The following MPHOSPH6 variants were observed in gnomAD, a reference collection of about 807,000 sequenced individuals.
MPHOSPH6 encodes M-phase phosphoprotein 6.
A neutral mutation model predicts 21.8 loss-of-function variants in MPHOSPH6; 25 were observed. The ratio of observed to expected loss-of-function variants is 1.15; its 90% CI spans 0.83 to 1.60. MPHOSPH6 has a LOEUF of 1.60. MPHOSPH6 is among the 40% of genes most tolerant of loss of function. The pLI, the probability that MPHOSPH6 is intolerant of heterozygous loss-of-function variation, is 0.00. For synonymous variants in MPHOSPH6, 84 were observed against 56.5 expected (o/e 1.49, Z -2.18); for missense variants, 269 against 181.8 (o/e 1.48, Z -2.76).
intron 2 of MPHOSPH6, among the ~76,000 whole-genome samples, chr16:82,155,452 G>C (rs1340137857): frequency 6.6e-6 from 1 of 152,164 alleles, no homozygotes; most frequent in Non-Finnish European, 1.5e-5. Context: ...AGTCAATTTA[G>C]CATTACAGAA....
chr16:82,155,486 A>G (rs1906399782), intron 2 of MPHOSPH6, among the ~76,000 whole-genome samples: 1 of 152,198 alleles, frequency 6.6e-6, no homozygotes. Flanking sequence ...TACAACCTTC[A>G]ATTTCTACAC....
chr16:82,154,427 T>A (rs994312755), intron 2 of MPHOSPH6, among the ~76,000 whole-genome samples: 4 of 151,818 alleles, frequency 2.6e-5, no homozygotes, highest in Admixed American at 2.0e-4. Context: ...CAGCACACAA[T>A]AAAAAATTCC....
rs547062601 is a variant in MPHOSPH6, at chr16:82,160,698, G to A, written c.164+3384C>T. ...ACAGCATCCACCTGGGCCACTTCACGCCATCCCTCATAGGAGTTGGGGACA... is the reference window on the plus strand; with the variant it reads ...ACAGCATCCACCTGGGCCACTTCACACCATCCCTCATAGGAGTTGGGGACA... On this transcript the variant is annotated intron_variant, in intron 2 of 4. Coordinates refer to ENST00000258169, the MANE Select transcript of MPHOSPH6 (RefSeq NM_005792.2). 7.9e-5 allele frequency among the ~76,000 whole-genome samples: 12 copies of A among 152,220 alleles called. No individual in the cohort carries two copies. The South Asian group carries it at 8.3e-4, about 11-fold the overall frequency.
intron 4 of MPHOSPH6, 116 bp from the exon 5 acceptor site, chr16:82,148,979 C>T (rs1384177375): frequency 7.7e-7 from 1 of 1,291,010 alleles, no homozygotes; most frequent in Non-Finnish European, 1.1e-6. Flanking sequence ...AGAAAACTAT[C>T]ATTAAAAGAA....
intron 2 of MPHOSPH6, among the ~76,000 whole-genome samples, chr16:82,161,431 A>C (rs1218755586): frequency 1.3e-5 from 2 of 152,200 alleles, no homozygotes; most frequent in East Asian, 1.9e-4. Flanking sequence ...AATACTTCTT[A>C]AACAACTTGC....
chr16:82,163,929 T>C (rs962626116), intron 2 of MPHOSPH6, 153 bp downstream of exon 2: 4 of 574,654 alleles, frequency 7.0e-6, no homozygotes, highest in East Asian at 5.9e-5. Flanking sequence ...ACAACTTCTA[T>C]AGGTTTAATA....
chr16:82,158,278 G>A (rs891935619), intron 2 of MPHOSPH6, among the ~76,000 whole-genome samples: 1 of 151,550 alleles, frequency 6.6e-6, no homozygotes. Context: ...CACGAGGTCA[G>A]GAAATTGAGA....
At chr16:82,167,329 G>A (rs1360479141) in intron 1 of MPHOSPH6, among the ~76,000 whole-genome samples, 3 of 152,136 alleles carry the variant, frequency 2.0e-5, no homozygotes, top group Admixed American at 2.0e-4. Context: ...AGTGAGTCAG[G>A]ATTAAATCCT....
Position 82,164,174 on chromosome 16 carries a change from G to C in MPHOSPH6, c.72C>G (p.Asp24Glu). ...LRMKFMQRGLDSETKKQLEEE... is the reference protein window; with the variant it reads ...LRMKFMQRGLESETKKQLEEE... ...CTTCTAGTTGTTTCTTGGTTTCTGA[G>C]TCCAGTCCCCTTTGCATAAACTGTG... The change falls in exon 2 of 5, where the codon GAC becomes GAG. Residue 24 changes from aspartate (D) to glutamate (E), a missense_variant. Physicochemically the swap from Asp to Glu is conservative, Grantham distance 45. Coordinates refer to ENST00000258169, the MANE Select transcript of MPHOSPH6 (RefSeq NM_005792.2). 1.9e-6 allele frequency: 3 copies of C among 1,610,356 alleles called. No individual in the cohort carries two copies. Among genetic ancestry groups the C allele is most frequent in the Non-Finnish European group, 2.5e-6 (3 of 1,179,498 alleles).
intron 2 of MPHOSPH6, among the ~76,000 whole-genome samples, chr16:82,160,408 C>T (rs1443406641): frequency 3.3e-5 from 5 of 152,226 alleles, no homozygotes; most frequent in Admixed American, 6.5e-5. Context: ...GAAAACCCTT[C>T]TCAGTGGGTC....
In MPHOSPH6 at chr16:82,170,108, T is replaced by A. The variant is rs766546790; in HGVS notation, c.51+17A>T. ...GTGCCCCTACCGCCCGGAGTGGCGC[T>A]CTCAGCGTCCCCGCACCTTCATGCG... On this transcript the variant is annotated intron_variant, in intron 1 of 4. Transcript: ENST00000258169. 6.9e-6 allele frequency: 11 copies of A among 1,588,750 alleles called. No homozygotes were observed. The highest frequency in any genetic ancestry group is 8.6e-6 in the Non-Finnish European group (10 of 1,167,882).
Position 82,164,179 on chromosome 16 carries a change from G to C in MPHOSPH6, c.67C>G (p.Leu23Val), listed in dbSNP as rs753211610. Residue 23 changes from leucine (L) to valine (V), a missense_variant, in exon 2 of 5, where the codon CTG (leucine) becomes GTG (valine). By Grantham distance (32) the Leu-to-Val change is conservative (BLOSUM62 1). Transcript: ENST00000258169. Reference protein sequence around the residue: ...LLRMKFMQRGLDSETKKQLEE... With the variant: ...LLRMKFMQRGVDSETKKQLEE... ...AGTTGTTTCTTGGTTTCTGAGTCCA[G>C]TCCCCTTTGCATAAACTGTGAAAAC... 1.6e-5 allele frequency: 26 copies of C among 1,609,258 alleles called. No individual in the cohort carries two copies. The highest frequency in any genetic ancestry group is 2.2e-5 in the Non-Finnish European group (26 of 1,179,060).
rs771402826 is a variant in MPHOSPH6, at chr16:82,149,302, C to T, written c.350+7G>A. The T allele has an allele frequency of 9.7e-5, 157 of 1,612,526 alleles. No individual in the cohort carries two copies. The highest frequency in any genetic ancestry group is 3.3e-4 in the Admixed American group (20 of 60,030). On this transcript the variant is annotated splice_region_variant and intron_variant, in intron 4 of 4. Transcript: ENST00000258169. ...CAGATTAGAAGGCTGCTGCGCAGCA[C>T]GGTTACCTTCTAGCCATCTCTTCAT...
intron 2 of MPHOSPH6, among the ~76,000 whole-genome samples, chr16:82,155,600 A>G (rs913947050): frequency 2.6e-5 from 4 of 152,236 alleles, no homozygotes; most frequent in Non-Finnish European, 5.9e-5. Flanking sequence ...CAATAAGCAA[A>G]GAAAATTTTT....
At chr16:82,162,646 G>T (rs1361874935) in intron 2 of MPHOSPH6, among the ~76,000 whole-genome samples, 3 of 152,174 alleles carry the variant, frequency 2.0e-5, no homozygotes, top group African/African-American at 7.2e-5. Context: ...CACATGCTAG[G>T]AGGTGCTGCA....
At chr16:82,161,034 T>C (rs1430737526) in intron 2 of MPHOSPH6, among the ~76,000 whole-genome samples, 1 of 152,198 alleles carries the variant, frequency 6.6e-6, no homozygotes, top group Non-Finnish European at 1.5e-5. Context: ...GGCTTATTAC[T>C]CTTCGTTCAT....
At chr16:82,158,498 C>CAAAAAAAAAA (rs3037959) in intron 2 of MPHOSPH6, among the ~76,000 whole-genome samples, 1 of 81,504 alleles carries the variant, frequency 1.2e-5, no homozygotes, top group Non-Finnish European at 2.3e-5. Flanking sequence ...GACTCCGTCT[C>CAAAAAAAAAA]AAAAAAAAAA....
chr16:82,148,774 G>A lies in MPHOSPH6; in HGVS notation c.440C>T (p.Thr147Ile), dbSNP rs1173980313. The A allele has an allele frequency of 2.5e-6, 4 of 1,614,048 alleles. No individual in the cohort carries two copies. In the African/African-American group the frequency reaches 4.0e-5, roughly 16 times the overall value. Residue 147 changes from threonine to isoleucine, a missense_variant, in exon 5 of 5, where the codon ACA (threonine) becomes ATA (isoleucine). Thr to Ile is a moderately conservative substitution (Grantham distance 89). Coordinates refer to ENST00000258169, the MANE Select transcript of MPHOSPH6 (RefSeq NM_005792.2). ...NYEEDENGDI[T>I]PIKAKKMFLK... ...GAACATCTTCTTTGCTTTAATTGGT[G>A]TTATGTCTCCATTTTCATCTTCTTC... is the stretch of plus-strand genomic sequence containing the variant.
intron 2 of MPHOSPH6, among the ~76,000 whole-genome samples, chr16:82,161,452 G>A (rs758819382): frequency 1.2e-4 from 19 of 152,042 alleles, no homozygotes; most frequent in Admixed American, 3.9e-4. Flanking sequence ...TACGGCAAAG[G>A]AGGAATTAAA....
Sources: gnomAD v4.1 joint callset for allele counts (sites outside exome capture counted in the v4.1 genomes callset) on GRCh38, gnomAD v4.1.1 for gene constraint, MANE v1.5 for transcripts, NCBI Gene and HGNC (gene_info 2026-07-23, HGNC 2026-07-21) for gene names.